Variants in SORCS1 observed in about 807,000 individuals in gnomAD.
The protein encoded by SORCS1 is VPS10 domain-containing receptor SorCS1.
SORCS1 carries 60 observed loss-of-function variants against 146.1 expected under a neutral mutation model. The observed-to-expected ratio is 0.41, with a 90% CI of 0.33 to 0.51. The LOEUF (loss-of-function observed/expected upper bound fraction) is 0.51, where lower values mean the gene tolerates loss of function less well. Among genes scored for constraint, SORCS1 ranks in the 20% least tolerant of loss-of-function variants. SORCS1 has a pLI of 0.21. For synonymous variants in SORCS1, 637 were observed against 584.0 expected (o/e 1.09, Z -1.31); for missense variants, 1,352 against 1,487.6 (o/e 0.91, Z 1.50).
intron 23 of SORCS1, among the ~76,000 whole-genome samples, chr10:106,602,464 G>A (rs1020081596): frequency 4.0e-5 from 6 of 150,390 alleles, no homozygotes; most frequent in African/African-American, 1.2e-4. Flanking sequence ...AAGCAATGGA[G>A]CCAAATACTA....
At chr10:106,978,602 A>T (rs1443686656) in intron 1 of SORCS1, among the ~76,000 whole-genome samples, 1 of 152,118 alleles carries the variant, frequency 6.6e-6, no homozygotes, top group Non-Finnish European at 1.5e-5. Context: ...GTTTGAGACC[A>T]GCCTGACCAA....
At chr10:106,836,732 T>A (rs1327449595) in intron 2 of SORCS1, among the ~76,000 whole-genome samples, 5 of 149,028 alleles carry the variant, frequency 3.4e-5, no homozygotes, top group Non-Finnish European at 5.9e-5. Flanking sequence ...GAAAATTGAT[T>A]AAATAAAAAA....
chr10:107,113,857 A>T (rs1023423008), intron 1 of SORCS1, among the ~76,000 whole-genome samples: 7 of 151,952 alleles, frequency 4.6e-5, no homozygotes, highest in African/African-American at 1.4e-4. Flanking sequence ...GATCAACAAA[A>T]CTAAGAGTTG....
chr10:107,055,209 A>C (rs1960493556), intron 1 of SORCS1, among the ~76,000 whole-genome samples: 1 of 152,184 alleles, frequency 6.6e-6, no homozygotes, highest in Non-Finnish European at 1.5e-5. Context: ...TTTTGCCTAC[A>C]TCAACAGCTC....
At chr10:106,859,200 C>T (rs1191519690) in intron 2 of SORCS1, among the ~76,000 whole-genome samples, 3 of 152,220 alleles carry the variant, frequency 2.0e-5, no homozygotes, top group African/African-American at 4.8e-5. Context: ...CCATGCCAAT[C>T]AACTAGCAGT....
At chr10:106,950,244 C>T (rs1034544460) in intron 2 of SORCS1, among the ~76,000 whole-genome samples, 2 of 152,146 alleles carry the variant, frequency 1.3e-5, no homozygotes, top group African/African-American at 2.4e-5. Context: ...CAAGACCAAC[C>T]GGGAGCAAAA....
At chr10:107,134,279 C>T (rs949056107) in intron 1 of SORCS1, among the ~76,000 whole-genome samples, 2 of 152,186 alleles carry the variant, frequency 1.3e-5, no homozygotes, top group Non-Finnish European at 2.9e-5. Flanking sequence ...TTAAACTTTA[C>T]GCTTTTAACT....
intron 1 of SORCS1, among the ~76,000 whole-genome samples, chr10:107,036,598 C>T (rs1958918374): frequency 6.6e-6 from 1 of 152,138 alleles, no homozygotes; most frequent in Admixed American, 6.6e-5. Context: ...TTGATTGGCC[C>T]AAAGAGTCAT....
chr10:106,624,281 T>C (rs1378240919), intron 19 of SORCS1, among the ~76,000 whole-genome samples: 1 of 151,718 alleles, frequency 6.6e-6, no homozygotes, highest in East Asian at 1.9e-4. Context: ...ATGCCTGCCA[T>C]GTTTGAGAAA....
rs1215922942 is a variant in SORCS1, at chr10:106,612,118, C to T, written c.2921-95G>A. 8 of 912,908 alleles carry T rather than the reference C, an allele frequency of 8.8e-6. 1 individual carries two copies. The South Asian group carries it at 1.2e-4, about 13-fold the overall frequency. The allele number at this position is 912,908 out of a possible 1,614,324, so 56.6% of individuals were successfully genotyped here. On this transcript the variant is annotated intron_variant, in intron 21 of 25. Coordinates refer to ENST00000263054, the MANE Select transcript of SORCS1 (RefSeq NM_052918.5). Reference sequence around the variant, plus strand: ...ATTTTATACAAAATGGAGGGTCCTTCCCCTTCACTTACCATAGGGACCTTT... The same window carrying T: ...ATTTTATACAAAATGGAGGGTCCTTTCCCTTCACTTACCATAGGGACCTTT...
chr10:107,041,758 G>A (rs1263531197), intron 1 of SORCS1, among the ~76,000 whole-genome samples: 1 of 152,030 alleles, frequency 6.6e-6, no homozygotes, highest in Non-Finnish European at 1.5e-5. Context: ...CCGACAGAGG[G>A]GCTAAGGCAC....
intron 2 of SORCS1, among the ~76,000 whole-genome samples, chr10:106,876,792 T>C (rs1474466376): frequency 1.3e-5 from 2 of 152,232 alleles, no homozygotes; most frequent in East Asian, 1.9e-4. Context: ...ATTTATGTTG[T>C]TAGCTCTGCT....
chr10:106,965,467 C>A (rs192085258), intron 1 of SORCS1, among the ~76,000 whole-genome samples: 1 of 152,256 alleles, frequency 6.6e-6, no homozygotes, highest in East Asian at 1.9e-4. Context: ...TGCTGAGTAG[C>A]AAATACTAGG....
intron 2 of SORCS1, among the ~76,000 whole-genome samples, chr10:106,918,658 A>G (rs1952561071): frequency 6.6e-6 from 1 of 152,092 alleles, no homozygotes; most frequent in Admixed American, 6.6e-5. Context: ...TCAGTGGTCA[A>G]AAAAGCAAAA....
chr10:106,714,766 C>A (rs1237238650), intron 6 of SORCS1, among the ~76,000 whole-genome samples: 1 of 152,258 alleles, frequency 6.6e-6, no homozygotes, highest in South Asian at 2.1e-4. Context: ...CCTTCTACAG[C>A]CGGGCAAGTA....
chr10:106,950,177 A>C (rs1954600213), intron 2 of SORCS1, among the ~76,000 whole-genome samples: 1 of 152,234 alleles, frequency 6.6e-6, no homozygotes, highest in Non-Finnish European at 1.5e-5. Flanking sequence ...AGTGAAGAAC[A>C]ACACAAAACG....
intron 1 of SORCS1, among the ~76,000 whole-genome samples, chr10:106,984,748 G>A (rs990400900): frequency 4.6e-5 from 7 of 152,052 alleles, no homozygotes; most frequent in Non-Finnish European, 8.8e-5. Flanking sequence ...TGGTAGTAAA[G>A]AGCATGAAAT....
chr10:106,907,895 C>CA (rs11452551), intron 2 of SORCS1, among the ~76,000 whole-genome samples: 16,790 of 136,644 alleles, frequency 0.12, 942 homozygotes, highest in South Asian at 0.18. Flanking sequence ...CCACTGCACT[C>CA]AAAAAAAAAA....
chr10:106,665,388 CTT>C (rs35223659), intron 17 of SORCS1, among the ~76,000 whole-genome samples: 13 of 134,968 alleles, frequency 9.6e-5, no homozygotes, highest in Non-Finnish European at 1.4e-4. Context: ...TTCTCTCTCT[CTT>C]TTTTTTTTTT....
Sources: allele counts gnomAD v4.1 joint callset (sites outside exome capture counted in the v4.1 genomes callset), GRCh38; gene constraint gnomAD v4.1.1; transcripts MANE v1.5; gene names NCBI Gene and HGNC (gene_info 2026-07-23, HGNC 2026-07-21).